MAGI2: variants seen among roughly 807,000 people sequenced by gnomAD.
MAGI2 encodes the protein membrane associated guanylate kinase, WW and PDZ domain containing 2.
MAGI2 carries 35 observed loss-of-function variants against 133.3 expected under a neutral mutation model. That is an observed-to-expected ratio of 0.26 (90% CI 0.20 to 0.35). MAGI2 has a LOEUF of 0.35. MAGI2 is among the 10% of genes least tolerant of loss of function. The pLI, the probability that MAGI2 is intolerant of heterozygous loss-of-function variation, is 1.00. For missense variants in MAGI2, 1,636 were observed against 1,863.4 expected (o/e 0.88, Z 2.25); for synonymous variants, 729 against 710.6 (o/e 1.03, Z -0.41).
intron 2 of MAGI2, among the ~76,000 whole-genome samples, chr7:78,966,835 CTTTTTT>C (rs34597215): frequency 7.7e-6 from 1 of 129,088 alleles, no homozygotes; most frequent in Non-Finnish European, 1.7e-5. Context: ...GCCTACACGT[CTTTTTT>C]TTTTTTTTTT....
intron 3 of MAGI2, chr7:78,617,323 G>T (rs532531581): frequency 4.6e-5 from 7 of 152,054 alleles, no homozygotes; most frequent in Admixed American, 2.0e-4. Context: ...ATTTAAATTT[G>T]TGCTTTCTGC....
At chr7:79,171,770 A>ATATATATATATATTTT in intron 1 of MAGI2, among the ~76,000 whole-genome samples, 22 of 31,210 alleles carry the variant, frequency 7.0e-4, no homozygotes, top group Non-Finnish European at 1.3e-3. Flanking sequence ...ATATATATAT[A>ATATATATATATATTTT]TTTTTTTTTT....
At chr7:78,376,578 G>A (rs1585051089) in intron 6 of MAGI2, among the ~76,000 whole-genome samples, 1 of 152,084 alleles carries the variant, frequency 6.6e-6, no homozygotes, top group East Asian at 1.9e-4. Context: ...TGATTGCAGA[G>A]AAAATTTCAA....
intron 2 of MAGI2, among the ~76,000 whole-genome samples, chr7:78,689,578 C>T (rs1021660295): frequency 2.6e-5 from 4 of 151,970 alleles, no homozygotes; most frequent in African/African-American, 9.7e-5. Flanking sequence ...CCCACATGAC[C>T]GTCAGGCAAC....
At chr7:79,213,760 G>A (rs898779503) in intron 1 of MAGI2, among the ~76,000 whole-genome samples, 4 of 151,952 alleles carry the variant, frequency 2.6e-5, no homozygotes, top group Non-Finnish European at 5.9e-5. Context: ...ACACAACAGC[G>A]GCTACCCAGC....
intron 2 of MAGI2, among the ~76,000 whole-genome samples, chr7:78,908,547 T>C: frequency 6.6e-6 from 1 of 152,176 alleles, no homozygotes; most frequent in East Asian, 1.9e-4. Flanking sequence ...GGTGAGAAAT[T>C]CATTACAAAT....
At chr7:78,540,663 C>T (rs529610764) in intron 3 of MAGI2, among the ~76,000 whole-genome samples, 1 of 152,218 alleles carries the variant, frequency 6.6e-6, no homozygotes, top group East Asian at 1.9e-4. Context: ...TGAAAGTTTC[C>T]TTCTCTCTGT....
chr7:78,815,050 A>T (rs1404587077), intron 2 of MAGI2, among the ~76,000 whole-genome samples: 1 of 152,094 alleles, frequency 6.6e-6, no homozygotes, highest in African/African-American at 2.4e-5. Flanking sequence ...ATTATTGAAC[A>T]TGGTTTGGTT....
chr7:79,180,644 A>T (rs1004422375), intron 1 of MAGI2, among the ~76,000 whole-genome samples: 11 of 151,826 alleles, frequency 7.2e-5, no homozygotes, highest in African/African-American at 2.4e-4. Flanking sequence ...CGCCTCCCAA[A>T]TCTCATGTCC....
At chr7:78,858,109 A>AT (rs1305202806) in intron 2 of MAGI2, among the ~76,000 whole-genome samples, 3 of 152,006 alleles carry the variant, frequency 2.0e-5, no homozygotes, top group Non-Finnish European at 4.4e-5. Flanking sequence ...CCCCTTTATC[A>AT]TTTTTTATTG....
intron 1 of MAGI2, among the ~76,000 whole-genome samples, chr7:79,403,515 A>G (rs1430022577): frequency 6.6e-6 from 1 of 152,126 alleles, no homozygotes; most frequent in Non-Finnish European, 1.5e-5. Context: ...ATAGAAATAT[A>G]TATTTTAGGT....
At chr7:78,894,295 C>G (rs933434304) in intron 2 of MAGI2, among the ~76,000 whole-genome samples, 1 of 151,952 alleles carries the variant, frequency 6.6e-6, no homozygotes. Flanking sequence ...CCAGCTACTC[C>G]GGAGGCTGAG....
chr7:78,613,624 G>A (rs927652704), intron 3 of MAGI2, among the ~76,000 whole-genome samples: 1 of 152,132 alleles, frequency 6.6e-6, no homozygotes, highest in East Asian at 1.9e-4. Context: ...ACACGTGAAA[G>A]CCTAGTAAAA....
At chr7:78,100,231 A>C (rs1293615754) in intron 20 of MAGI2, among the ~76,000 whole-genome samples, 1 of 151,852 alleles carries the variant, frequency 6.6e-6, no homozygotes, top group East Asian at 1.9e-4. Context: ...CACCATCCCA[A>C]CTCCTACTTG....
intron 3 of MAGI2, among the ~76,000 whole-genome samples, chr7:78,594,818 G>A (rs1455707631): frequency 1.3e-5 from 2 of 152,172 alleles, no homozygotes; most frequent in Non-Finnish European, 2.9e-5. Context: ...GGCTAAAGGA[G>A]CTCCCCAAAC....
chr7:78,464,275 C>T (rs575819391), intron 6 of MAGI2, among the ~76,000 whole-genome samples: 6 of 152,228 alleles, frequency 3.9e-5, no homozygotes, highest in South Asian at 2.1e-4. Flanking sequence ...TTCTACTCTG[C>T]GACACTCCAA....
intron 1 of MAGI2, among the ~76,000 whole-genome samples, chr7:79,199,937 T>A (rs1360429271): frequency 6.6e-6 from 1 of 151,950 alleles, no homozygotes; most frequent in Admixed American, 6.5e-5. Context: ...TTCTCCACAA[T>A]GATGGAAAAC....
At chr7:78,707,414 A>G (rs931401456) in intron 2 of MAGI2, among the ~76,000 whole-genome samples, 3 of 152,130 alleles carry the variant, frequency 2.0e-5, no homozygotes, top group African/African-American at 7.2e-5. Flanking sequence ...TATGATTTTT[A>G]GTGTAATTAT....
intron 9 of MAGI2, among the ~76,000 whole-genome samples, chr7:78,274,385 G>C (rs1363298531): frequency 6.6e-6 from 1 of 152,156 alleles, no homozygotes; most frequent in African/African-American, 2.4e-5. Context: ...CTCCTACTGG[G>C]AGGTGTCTCC....
Sources: allele counts gnomAD v4.1 joint callset (sites outside exome capture counted in the v4.1 genomes callset), GRCh38; gene constraint gnomAD v4.1.1; transcripts MANE v1.5; gene names NCBI Gene and HGNC (gene_info 2026-07-23, HGNC 2026-07-21).